The following ITGB8 variants were observed in gnomAD, a reference collection of about 807,000 sequenced individuals.
ITGB8 encodes integrin beta-8.
ITGB8 carries 30 observed loss-of-function variants against 89.5 expected under a neutral mutation model. The observed-to-expected ratio is 0.34, with a 90% CI of 0.25 to 0.45. ITGB8 has a LOEUF of 0.45. Among genes scored for constraint, ITGB8 ranks in the 20% least tolerant of loss-of-function variants. The pLI is 1.00. For missense variants in ITGB8, 836 were observed against 933.3 expected (o/e 0.90, Z 1.36); for synonymous variants, 335 against 320.4 (o/e 1.05, Z -0.49).
chr7:20,361,504 C>G (rs10950805), intron 1 of ITGB8, among the ~76,000 whole-genome samples: 51,782 of 151,940 alleles, frequency 0.34, 9,244 homozygotes, highest in East Asian at 0.42. Flanking sequence ...AGCGCAGAAG[C>G]ACAAAGAGAG....
chr7:20,409,453 C>A (rs1275223671), intron 12 of ITGB8, among the ~76,000 whole-genome samples, 162 bp from the exon 13 acceptor site: 1 of 152,108 alleles, frequency 6.6e-6, no homozygotes. Context: ...AATTAGAGAG[C>A]TTTTTGTTTT....
chr7:20,388,172 T>G (rs1786706093), intron 6 of ITGB8, among the ~76,000 whole-genome samples: 1 of 152,222 alleles, frequency 6.6e-6, no homozygotes, highest in African/African-American at 2.4e-5. Context: ...CCTTCTGACA[T>G]TTATAAGTTA....
In ITGB8 at chr7:20,404,752, A is replaced by T. The variant is rs149674783; in HGVS notation, c.1812A>T (p.Arg604Ser). The T allele has an allele frequency of 1.2e-5, 20 of 1,614,192 alleles. No individual in the cohort carries two copies. Among genetic ancestry groups the T allele is most frequent in the Non-Finnish European group, 1.6e-5 (19 of 1,180,024 alleles). The change falls in exon 11 of 14, where the codon AGA becomes AGT. Residue 604 changes from arginine (R) to serine (S), a missense_variant. By Grantham distance (110) the Arg-to-Ser change is moderately radical. Around this residue, in one of 5 missense-constraint regions of ITGB8, gnomAD observed 422 missense variants for 416.9 expected, o/e 1.01. Transcript: ENST00000222573. The part of the protein sequence containing the change: ...VNSKGQVCSG[R>S]GTCVCGRCEC... ...CAAAGGGCCAAGTGTGCAGTGGAAG[A>T]GGCACGTGTGTGTGTGGAAGGTGTG...
At position 20,331,675 on chromosome 7, in the gene ITGB8, G is replaced by A. The variant is rs1784400245; in HGVS notation, c.-132G>A. 12 of 1,117,058 alleles carry A rather than the reference G, an allele frequency of 1.1e-5. No individual in the cohort carries two copies. The South Asian group carries it at 2.2e-4, about 20-fold the overall frequency. The allele number at this position is 1,117,058 out of a possible 1,614,324, so 69.2% of individuals were successfully genotyped here. ...CTGCACCGCTTGCTCCGAGCCGCGG[G>A]GTCCGCCTGCTAGGCCTGCGGAAAA... On this transcript the variant is annotated 5_prime_UTR_variant, in exon 1 of 14. Transcript: ENST00000222573.
intron 6 of ITGB8, among the ~76,000 whole-genome samples, chr7:20,385,378 C>T (rs1283892727): frequency 1.3e-5 from 2 of 152,192 alleles, no homozygotes; most frequent in African/African-American, 4.8e-5. Flanking sequence ...CTGGTTTAGG[C>T]TTGGTGTTTT....
At position 20,364,244 on chromosome 7, in the gene ITGB8, T is replaced by C. The variant is rs560545751; in HGVS notation, c.213+522T>C. 4.6e-5 allele frequency among the ~76,000 whole-genome samples: 7 copies of C among 152,314 alleles called. No homozygotes were observed. The South Asian group carries it at 1.2e-3, about 27-fold the overall frequency. On this transcript the variant is annotated intron_variant, in intron 2 of 13. Transcript: ENST00000222573. ...GTTAGAACTGCCTGTATCTAGTAAATTGCACTGAAGAAGCGATCTGCTAAT... is the reference window on the plus strand; with the variant it reads ...GTTAGAACTGCCTGTATCTAGTAAACTGCACTGAAGAAGCGATCTGCTAAT...
At chr7:20,406,735 G>A (rs1244439555) in intron 12 of ITGB8, among the ~76,000 whole-genome samples, 1 of 152,038 alleles carries the variant, frequency 6.6e-6, no homozygotes, top group East Asian at 1.9e-4. Context: ...TTATAGATGG[G>A]GAAACTGAGG....
At chr7:20,358,460 C>A (rs1367358826) in intron 1 of ITGB8, among the ~76,000 whole-genome samples, 15 of 151,042 alleles carry the variant, frequency 9.9e-5, no homozygotes, top group Non-Finnish European at 4.4e-5. Context: ...AACTTTCTAA[C>A]CCTTTTTATT....
chr7:20,407,361 A>C (rs1266092279), intron 12 of ITGB8, among the ~76,000 whole-genome samples: 1 of 152,042 alleles, frequency 6.6e-6, no homozygotes, highest in Non-Finnish European at 1.5e-5. Flanking sequence ...AAAAAAAACA[A>C]CAAAAGCAAA....
chr7:20,403,909 C>CACTTTT (rs557438144), intron 10 of ITGB8, among the ~76,000 whole-genome samples: 62 of 152,290 alleles, frequency 4.1e-4, no homozygotes, highest in African/African-American at 1.5e-3. Flanking sequence ...AAGTTTTGGA[C>CACTTTT]ACTTTTACTG....
In ITGB8 at chr7:20,383,004, T is replaced by C. The variant is rs148723445; in HGVS notation, c.960+1119T>C. Among the ~76,000 whole-genome samples, 540 of 152,360 alleles carry C rather than the reference T, an allele frequency of 3.5e-3. 1 individual carries two copies. Among genetic ancestry groups the C allele is most frequent in the Non-Finnish European group, 5.2e-3 (355 of 68,028 alleles). ...CATGCTGAATGTCACTGTATTTCTCTTGAAGATTTAAATTATTTCCTGCCA... is the reference window on the plus strand; with the variant it reads ...CATGCTGAATGTCACTGTATTTCTCCTGAAGATTTAAATTATTTCCTGCCA... On this transcript the variant is annotated intron_variant, in intron 6 of 13. Transcript: ENST00000222573.
In ITGB8 at chr7:20,413,814, T is replaced by A. The variant is rs1362747869; in HGVS notation, c.*3817T>A. On this transcript the variant is annotated 3_prime_UTR_variant, in exon 14 of 14. Transcript: ENST00000222573. ...AAGTATCAAGTGAAATATAGTTACATGGGAGCTCAATCATGTGCAGATTGC... is the reference window on the plus strand; with the variant it reads ...AAGTATCAAGTGAAATATAGTTACAAGGGAGCTCAATCATGTGCAGATTGC... The A allele has an allele frequency of 6.6e-6, 1 of 152,150 alleles. No individual in the cohort carries two copies. The highest frequency in any genetic ancestry group is 6.5e-5 in the Admixed American group (1 of 15,272). The allele number at this position is 152,150 out of a possible 1,614,324, so 9.4% of individuals were successfully genotyped here.
At chr7:20,375,266 C>A (rs1294593539) in intron 3 of ITGB8, among the ~76,000 whole-genome samples, 5 of 151,372 alleles carry the variant, frequency 3.3e-5, no homozygotes. Context: ...CTATTTTCCT[C>A]AAAGTTGGTC....
chr7:20,357,905 A>T (rs991352314), intron 1 of ITGB8, among the ~76,000 whole-genome samples: 3 of 152,166 alleles, frequency 2.0e-5, no homozygotes, highest in Admixed American at 6.5e-5. Context: ...TATGCAATTA[A>T]ATCTTTTTCT....
rs1296849188 is a variant in ITGB8 at position 20,331,076 on chromosome 7, T to C, written c.-731T>C. 6.5e-6 allele frequency: 1 copy of C among 152,690 alleles called. No individual in the cohort carries two copies. Among genetic ancestry groups the C allele is most frequent in the East Asian group, 1.9e-4 (1 of 5,188 alleles). 9.5% of individuals were successfully genotyped at this position (152,690 alleles called of 1,614,324 possible). A position where few individuals can be genotyped will look rare whatever the true frequency, so the allele number is the denominator to read the frequency against. On this transcript the variant is annotated 5_prime_UTR_variant, in exon 1 of 14. It removes an upstream start codon present in the reference 5' UTR. Transcript: ENST00000222573. Reference sequence around the variant, plus strand: ...CTCCCCGCCAGGGAGGGAGCGGCGATGCCTCGCTCTGTGCCTGCGGGTGTC... The same window carrying C: ...CTCCCCGCCAGGGAGGGAGCGGCGACGCCTCGCTCTGTGCCTGCGGGTGTC...
At chr7:20,395,060 C>A in intron 8 of ITGB8, 75 bp downstream of exon 8, 2 of 811,610 alleles carry the variant, frequency 2.5e-6, no homozygotes, top group Non-Finnish European at 4.1e-6. Flanking sequence ...AAAGTAGTGC[C>A]ATGTCATCTC....
intron 3 of ITGB8, chr7:20,377,509 T>C (rs1417854639): frequency 6.6e-6 from 1 of 152,334 alleles, no homozygotes; most frequent in East Asian, 1.9e-4. Context: ...TCTGGCCCAG[T>C]GTACCAGTGT....
chr7:20,342,641 T>C (rs991737704), intron 1 of ITGB8, among the ~76,000 whole-genome samples: 9 of 152,090 alleles, frequency 5.9e-5, no homozygotes, highest in African/African-American at 1.9e-4. Flanking sequence ...CAGTAACTTC[T>C]ATACCCATGG....
chr7:20,399,042 G>A, intron 9 of ITGB8, 48 bp downstream of exon 9: 1 of 1,573,464 alleles, frequency 6.4e-7, no homozygotes, highest in Non-Finnish European at 8.6e-7. Flanking sequence ...AAGTTGTTTG[G>A]CGTACTTTCT....
Sources: allele counts gnomAD v4.1 joint callset (sites outside exome capture counted in the v4.1 genomes callset), GRCh38; gene constraint gnomAD v4.1.1; regional missense constraint gnomAD v4.1.1; transcripts MANE v1.5; gene names NCBI Gene and HGNC (gene_info 2026-07-23, HGNC 2026-07-21).